GPAT3: variants seen among roughly 807,000 people sequenced by gnomAD.
GPAT3 encodes glycerol-3-phosphate acyltransferase 3.
A neutral mutation model predicts 58.8 loss-of-function variants in GPAT3; 53 were observed. The observed-to-expected ratio is 0.90, with a 90% CI of 0.72 to 1.13. GPAT3 has a LOEUF of 1.13. Among genes scored for constraint, GPAT3 ranks in the 50% most tolerant of loss-of-function variants. The pLI is 0.00. For missense variants in GPAT3, 511 were observed against 527.6 expected (o/e 0.97, Z 0.31); for synonymous variants, 197 against 187.4 (o/e 1.05, Z -0.42).
chr4:83,559,538 G>A (rs1005445211), intron 2 of GPAT3, among the ~76,000 whole-genome samples: 1 of 152,126 alleles, frequency 6.6e-6, no homozygotes, highest in East Asian at 1.9e-4. Context: ...TGCCCTGGCT[G>A]GTCTTGAACT....
intron 6 of GPAT3, among the ~76,000 whole-genome samples, chr4:83,592,369 G>A (rs1240541740): frequency 6.6e-6 from 1 of 152,226 alleles, no homozygotes; most frequent in Non-Finnish European, 1.5e-5. Context: ...ATGATACCAT[G>A]CCATTAGCCT....
intron 11 of GPAT3, 30 bp downstream of exon 11, chr4:83,598,753 T>C (rs1462655927): frequency 3.7e-6 from 1 of 270,546 alleles, no homozygotes. Flanking sequence ...TACTATCACT[T>C]TTTTTTTTTT....
At chr4:83,540,968 G>A (rs971023507) in intron 1 of GPAT3, among the ~76,000 whole-genome samples, 6 of 152,166 alleles carry the variant, frequency 3.9e-5, no homozygotes, top group African/African-American at 9.7e-5. Context: ...GGGATTACAG[G>A]CATGAACCAC....
intron 11 of GPAT3, among the ~76,000 whole-genome samples, chr4:83,601,625 C>T (rs2110112284): frequency 6.6e-6 from 1 of 152,314 alleles, no homozygotes; most frequent in Admixed American, 6.5e-5. Context: ...CGCCATGGCG[C>T]ACACCTGTAG....
At chr4:83,566,722 A>G (rs1490980157) in intron 2 of GPAT3, among the ~76,000 whole-genome samples, 1 of 150,544 alleles carries the variant, frequency 6.6e-6, no homozygotes, top group Non-Finnish European at 1.5e-5. Context: ...GTTGGGTCTT[A>G]CTTTCTGAGG....
chr4:83,557,353 A>G (rs1349246568), intron 2 of GPAT3, among the ~76,000 whole-genome samples: 1 of 152,172 alleles, frequency 6.6e-6, no homozygotes, highest in Non-Finnish European at 1.5e-5. Flanking sequence ...CAGCAAATCC[A>G]TTCTGTCTGT....
intron 3 of GPAT3, among the ~76,000 whole-genome samples, chr4:83,583,293 CA>C (rs1004971683): frequency 3.9e-4 from 54 of 137,944 alleles, no homozygotes; most frequent in African/African-American, 6.9e-4. Flanking sequence ...ACTGCGTATC[CA>C]AAAAAAAAAG....
At chr4:83,546,307 C>A (rs538312941) in intron 2 of GPAT3, among the ~76,000 whole-genome samples, 1 of 150,434 alleles carries the variant, frequency 6.6e-6, no homozygotes, top group East Asian at 2.0e-4. Context: ...TTAAAGGACA[C>A]AAAGTATTTC....
At chr4:83,573,614 A>G (rs1269584034) in intron 2 of GPAT3, among the ~76,000 whole-genome samples, 1 of 152,114 alleles carries the variant, frequency 6.6e-6, no homozygotes, top group Admixed American at 6.5e-5. Context: ...CTTTAATCAC[A>G]CTAATCACAT....
At chr4:83,540,981 T>G (rs2132092) in intron 1 of GPAT3, among the ~76,000 whole-genome samples, 2 of 151,626 alleles carry the variant, frequency 1.3e-5, no homozygotes, top group Non-Finnish European at 2.9e-5. Context: ...TGAACCACCA[T>G]GCCTGGCTTT....
intron 2 of GPAT3, among the ~76,000 whole-genome samples, chr4:83,550,403 C>CTGATGA (rs546600558): frequency 1.6e-4 from 24 of 151,474 alleles, no homozygotes; most frequent in Non-Finnish European, 7.4e-5. Flanking sequence ...AATATTGTGT[C>CTGATGA]TGATGATGAT....
At chr4:83,565,106 A>ATTTC (rs1400655854) in intron 2 of GPAT3, among the ~76,000 whole-genome samples, 1 of 151,428 alleles carries the variant, frequency 6.6e-6, no homozygotes, top group Non-Finnish European at 1.5e-5. Flanking sequence ...TTATTTATTT[A>ATTTC]TTTTATTTTT....
chr4:83,551,922 CA>C (rs1724771668), intron 2 of GPAT3, among the ~76,000 whole-genome samples: 1 of 148,806 alleles, frequency 6.7e-6, no homozygotes, highest in African/African-American at 2.5e-5. Context: ...ATATTGTAAA[CA>C]TAAAAAAGAG....
chr4:83,568,657 G>A (rs995257068), intron 2 of GPAT3, among the ~76,000 whole-genome samples: 8 of 151,908 alleles, frequency 5.3e-5, no homozygotes, highest in African/African-American at 1.7e-4. Flanking sequence ...ACAGGCACCC[G>A]CCACCACACC....
At chr4:83,564,986 T>A (rs949154314) in intron 2 of GPAT3, among the ~76,000 whole-genome samples, 1 of 152,030 alleles carries the variant, frequency 6.6e-6, no homozygotes, top group East Asian at 1.9e-4. Flanking sequence ...TTCTTGTGTG[T>A]CTTTCCAGAT....
At chr4:83,586,589 A>T (rs2125429) in intron 3 of GPAT3, among the ~76,000 whole-genome samples, 92,964 of 152,144 alleles carry the variant, frequency 0.61, 28,720 homozygotes, top group Middle Eastern at 0.72. Flanking sequence ...TTTCTTCTCT[A>T]TTAACTAAAT....
intron 1 of GPAT3, among the ~76,000 whole-genome samples, chr4:83,537,363 C>G (rs745790137): frequency 3.3e-5 from 5 of 152,022 alleles, no homozygotes; most frequent in Admixed American, 2.0e-4. Context: ...CTCCTGTTTC[C>G]AAATCCTGCA....
chr4:83,584,980 A>G (rs568210960), intron 3 of GPAT3, among the ~76,000 whole-genome samples: 19 of 152,220 alleles, frequency 1.2e-4, no homozygotes, highest in Admixed American at 3.3e-4. Flanking sequence ...AAAAAGTTTC[A>G]GTAGTTTTGA....
rs754369396 is a variant in GPAT3, at chr4:83,544,533, C to T, written c.142-3C>T. The T allele has an allele frequency of 1.9e-6, 3 of 1,613,708 alleles. No individual in the cohort carries two copies. The Admixed American group carries it at 5.0e-5, about 27-fold the overall frequency. On this transcript the variant is annotated splice_polypyrimidine_tract_variant and splice_region_variant and intron_variant, in intron 1 of 11. Coordinates refer to ENST00000264409, the MANE Select transcript of GPAT3 (RefSeq NM_032717.5). The stretch of plus-strand genomic sequence containing the variant: ...TAAATTAATATTTCTTGTTTTTGAA[C>T]AGTGGGCCACAATACGAATTGAAAA...
Sources: gnomAD v4.1 joint callset for allele counts (sites outside exome capture counted in the v4.1 genomes callset) on GRCh38, gnomAD v4.1.1 for gene constraint, MANE v1.5 for transcripts, NCBI Gene and HGNC (gene_info 2026-07-23, HGNC 2026-07-21) for gene names.